KCTD14: variants seen among roughly 807,000 people sequenced by gnomAD.
The protein encoded by KCTD14 is potassium channel tetramerization domain containing 14, also known as BTB/POZ domain-containing protein KCTD14.
A neutral mutation model predicts 5.9 loss-of-function variants in KCTD14; 7 were observed. The observed-to-expected ratio is 1.19, with a 90% confidence interval of 0.68 to 2.23. KCTD14 has a LOEUF of 2.23. KCTD14 is among the 30% of genes most tolerant of loss of function. The probability of loss-of-function intolerance (pLI) is 0.00; values close to 1 mark genes in which losing one functional copy is unlikely to be tolerated. For missense variants in KCTD14, 342 were observed against 332.2 expected, an observed-to-expected ratio of 1.03 and a Z score of -0.23; for synonymous variants, 140 against 133.1, an observed-to-expected ratio of 1.05 and a Z score of -0.36.
At chr11:78,029,948 AT>A (rs928261148) in intron 2 of KCTD14, among the ~76,000 whole-genome samples, 2 of 151,270 alleles carry the variant, frequency 1.3e-5, no homozygotes, top group Admixed American at 6.6e-5. Flanking sequence ...CGCCTGGCTA[AT>A]TTTTTTTGTA....
intron 1 of KCTD14, among the ~76,000 whole-genome samples, chr11:78,017,584 G>A (rs1026151757): frequency 2.6e-5 from 4 of 151,602 alleles, no homozygotes; most frequent in Non-Finnish European, 5.9e-5. Context: ...CGCTGGGACT[G>A]CAGGCGCCTG....
intron 1 of KCTD14, 106 bp from the exon 2 acceptor site, chr11:78,017,376 G>GCA: frequency 7.3e-7 from 1 of 1,373,916 alleles, no homozygotes; most frequent in South Asian, 1.6e-5. Flanking sequence ...GAGCCATAAT[G>GCA]ATTGGCTTCA....
At chr11:78,034,744 C>G (rs1402339918) in intron 2 of KCTD14, among the ~76,000 whole-genome samples, 1 of 152,090 alleles carries the variant, frequency 6.6e-6, no homozygotes, top group Non-Finnish European at 1.5e-5. Context: ...TATAGCCAAG[C>G]AGGGGACCCT....
At chr11:78,033,899 G>GTACA (rs1322215432) in intron 2 of KCTD14, among the ~76,000 whole-genome samples, 1 of 46,448 alleles carries the variant, frequency 2.2e-5, no homozygotes, top group African/African-American at 5.5e-5. Flanking sequence ...ATGTGTGTGT[G>GTACA]TGTATATATA....
Position 78,016,813 on chromosome 11 carries a change from G to A in KCTD14, c.548C>T (p.Ser183Leu). 6.2e-7 allele frequency: 1 copy of A among 1,614,120 alleles called. No homozygotes were observed. Among genetic ancestry groups the A allele is most frequent in the Non-Finnish European group, 8.5e-7 (1 of 1,179,992 alleles). ...VETEEQDAYY[S>L]EVLCFLQDKK... Reference sequence around the variant, plus strand: ...ATCCTGCAGAAAACACAGGACCTCTGAATAATATGCATCCTGCTCCTCAGT... The same window carrying A: ...ATCCTGCAGAAAACACAGGACCTCTAAATAATATGCATCCTGCTCCTCAGT... The change falls in exon 2 of 2, where the codon TCA becomes TTA. Residue 183 changes from serine (S) to leucine (L), a missense_variant. By Grantham distance (145) the Ser-to-Leu change is moderately radical. Transcript: ENST00000353172.
intron 2 of KCTD14, among the ~76,000 whole-genome samples, chr11:78,032,381 G>A (rs1857649440): frequency 6.6e-6 from 1 of 151,080 alleles, no homozygotes; most frequent in African/African-American, 2.4e-5. Flanking sequence ...CCTCTTGCAA[G>A]GCACAGGAGT....
intron 2 of KCTD14, among the ~76,000 whole-genome samples, chr11:78,035,907 T>C (rs10899431): frequency 0.49 from 72,200 of 148,642 alleles, 17,954 homozygotes; most frequent in African/African-American, 0.61. Context: ...CGCCTGTAAT[T>C]CCAGCACTTT....
upstream of KCTD14, among the ~76,000 whole-genome samples, chr11:78,024,395 A>T (rs143372459): frequency 0.034 from 3,649 of 106,520 alleles, 103 homozygotes; most frequent in African/African-American, 0.065. Context: ...AAAAAAAAAA[A>T]AAATATATAT....
chr11:78,024,419 C>CAT (rs1857394098), upstream of KCTD14, among the ~76,000 whole-genome samples: 1 of 60,762 alleles, frequency 1.6e-5, no homozygotes, highest in South Asian at 6.7e-4. Flanking sequence ...TATACACACA[C>CAT]ACACACACAC....
chr11:78,026,489 A>G (rs1857470153), upstream of KCTD14, among the ~76,000 whole-genome samples: 1 of 152,094 alleles, frequency 6.6e-6, no homozygotes, highest in African/African-American at 2.4e-5. Flanking sequence ...TTGGCTAGGC[A>G]TCAGTGGCTC....
At chr11:78,017,364 G>A in intron 1 of KCTD14, 94 bp from the exon 2 acceptor site, 1 of 1,442,772 alleles carries the variant, frequency 6.9e-7, no homozygotes, top group Non-Finnish European at 9.2e-7. Flanking sequence ...AAAAACTTAG[G>A]GGAGCCATAA....
At chr11:78,033,802 C>T (rs1335086807) in intron 2 of KCTD14, among the ~76,000 whole-genome samples, 1 of 149,262 alleles carries the variant, frequency 6.7e-6, no homozygotes, top group East Asian at 2.0e-4. Context: ...GCCGAGATCA[C>T]ACCACTGCAC....
upstream of KCTD14, among the ~76,000 whole-genome samples, chr11:78,025,903 T>A (rs1041431059): frequency 6.6e-6 from 1 of 152,156 alleles, no homozygotes. Flanking sequence ...AAACTTTACA[T>A]TGGGGAAACT....
At chr11:78,041,834 G>A (rs1858001393) in intron 1 of KCTD14, among the ~76,000 whole-genome samples, 1 of 152,250 alleles carries the variant, frequency 6.6e-6, no homozygotes, top group Non-Finnish European at 1.5e-5. Flanking sequence ...TTCCTGCACA[G>A]CTAAGTGCCT....
At chr11:78,024,380 C>CAAA, upstream of KCTD14, among the ~76,000 whole-genome samples, 1 of 123,198 alleles carries the variant, frequency 8.1e-6, no homozygotes, top group African/African-American at 3.2e-5. Flanking sequence ...GATTCCCTCT[C>CAAA]AAAAAAAAAA....
chr11:78,040,007 G>A (rs1565318076), intron 1 of KCTD14, among the ~76,000 whole-genome samples: 1 of 152,040 alleles, frequency 6.6e-6, no homozygotes. Context: ...ACTTTTTTGA[G>A]CTCTTATTCA....
At chr11:78,025,108 GTGTGTGTGTGTATATATA>G (rs1208513774), upstream of KCTD14, among the ~76,000 whole-genome samples, 24 of 67,596 alleles carry the variant, frequency 3.6e-4, no homozygotes, top group African/African-American at 1.7e-3. Context: ...GTGTGTGTGT[GTGTGTGTGTGTATATATA>G]TATATATATA....
chr11:78,025,118 G>GTA (rs369374652), upstream of KCTD14, among the ~76,000 whole-genome samples: 392 of 44,436 alleles, frequency 8.8e-3, 2 homozygotes, highest in East Asian at 0.021. Context: ...GTGTGTGTGT[G>GTA]TATATATATA....
intron 1 of KCTD14, among the ~76,000 whole-genome samples, chr11:78,044,974 T>C (rs1203053280): frequency 6.6e-6 from 1 of 152,212 alleles, no homozygotes; most frequent in Non-Finnish European, 1.5e-5. Context: ...GTATGTTTAC[T>C]GAAATTGTTC....
Sources: allele counts gnomAD v4.1 joint callset (sites outside exome capture counted in the v4.1 genomes callset), GRCh38; gene constraint gnomAD v4.1.1; transcripts MANE v1.5; gene names NCBI Gene and HGNC (gene_info 2026-07-23, HGNC 2026-07-21).